The following CREBBP variants were observed in gnomAD, a reference collection of about 807,000 sequenced individuals.
CREBBP encodes the protein CREB binding lysine acetyltransferase, also known as CREB-binding protein.
A neutral mutation model predicts 265.0 loss-of-function variants in CREBBP; 19 were observed. The observed-to-expected ratio is 0.07, with a 90% CI of 0.05 to 0.11. CREBBP has a LOEUF of 0.11. Among genes scored for constraint, CREBBP ranks in the 10% least tolerant of loss-of-function variants. CREBBP has a pLI of 1.00. For missense variants in CREBBP, 2,525 were observed against 3,219.0 expected (o/e 0.78, Z 5.22); for synonymous variants, 1,457 against 1,223.7 (o/e 1.19, Z -3.98).
chr16:3,753,428 G>A (rs550466111), intron 19 of CREBBP, among the ~76,000 whole-genome samples: 1 of 152,208 alleles, frequency 6.6e-6, no homozygotes, highest in Non-Finnish European at 1.5e-5. Flanking sequence ...GAACATGACA[G>A]ATTCACTAGA....
At chr16:3,802,838 CCCCA>C (rs369352064) in intron 3 of CREBBP, among the ~76,000 whole-genome samples, 69 of 152,210 alleles carry the variant, frequency 4.5e-4, no homozygotes, top group African/African-American at 1.6e-3. Flanking sequence ...TCGGATACTC[CCCCA>C]CCCACCTGGA....
rs755952440 is a variant in CREBBP, at chr16:3,770,955, G to T, written c.2495C>A (p.Pro832His). ...GQVPGAALPN[P>H]LNMLGPQASQ... ...GGCCTGAGGCCCCAGCATGTTGAGAGGGTTAGGAAGAGCAGCACCAGGCAC... is the reference window on the plus strand; with the variant it reads ...GGCCTGAGGCCCCAGCATGTTGAGATGGTTAGGAAGAGCAGCACCAGGCAC... The change falls in exon 14 of 31, where the codon CCT (proline) becomes CAT (histidine). Residue 832 changes from proline (P) to histidine (H), a missense_variant. By Grantham distance (77) the Pro-to-His change is moderately conservative. Transcript: ENST00000262367. 9.2e-5 allele frequency: 149 copies of T among 1,613,524 alleles called. No homozygotes were observed. Among genetic ancestry groups the T allele is most frequent in the Non-Finnish European group, 1.2e-4 (140 of 1,180,024 alleles).
chr16:3,836,603 T>C (rs1405505043), intron 2 of CREBBP, among the ~76,000 whole-genome samples: 1 of 152,062 alleles, frequency 6.6e-6, no homozygotes, highest in Non-Finnish European at 1.5e-5. Context: ...TTGACAAATA[T>C]AAGATCTGTG....
intron 3 of CREBBP, among the ~76,000 whole-genome samples, chr16:3,802,652 GT>G (rs1408433266): frequency 1.3e-5 from 2 of 152,022 alleles, no homozygotes; most frequent in East Asian, 1.9e-4. Context: ...CCAAGAGTAG[GT>G]TATCATGTCT....
At chr16:3,778,875 A>G (rs540117932) in intron 8 of CREBBP, 58 bp from the exon 9 acceptor site, 6 of 1,515,260 alleles carry the variant, frequency 4.0e-6, no homozygotes, top group East Asian at 2.3e-5. Context: ...TTTTAAAGAC[A>G]TGGGGTTTCG....
chr16:3,871,942 G>T (rs1333962294), intron 1 of CREBBP, among the ~76,000 whole-genome samples: 1 of 152,172 alleles, frequency 6.6e-6, no homozygotes, highest in Non-Finnish European at 1.5e-5. Context: ...CTAGAAATGG[G>T]AAAGTAAAGT....
At chr16:3,834,787 AG>A (rs2054410465) in intron 2 of CREBBP, among the ~76,000 whole-genome samples, 1 of 152,198 alleles carries the variant, frequency 6.6e-6, no homozygotes, top group South Asian at 2.1e-4. Context: ...CTAGGAGAAC[AG>A]GGAATAGATG....
chr16:3,773,918 G>T lies in CREBBP; in HGVS notation c.2296C>A (p.Pro766Thr). 6.2e-7 allele frequency: 1 copy of T among 1,612,242 alleles called. No individual in the cohort carries two copies. Among genetic ancestry groups the T allele is most frequent in the Non-Finnish European group, 8.5e-7 (1 of 1,180,030 alleles). ...MGSVPGMAIS[P>T]SRMPQPPNMM... Reference sequence around the variant, plus strand: ...TTCGGAGGCTGAGGCATTCGGGAAGGAGAAATGGCCATCTACGAGACAACA... The same window carrying T: ...TTCGGAGGCTGAGGCATTCGGGAAGTAGAAATGGCCATCTACGAGACAACA... Residue 766 changes from proline (P) to threonine (T), a missense_variant, in exon 13 of 31, where the codon CCT (proline) becomes ACT (threonine). By Grantham distance (38) the Pro-to-Thr change is conservative. This residue lies in a region of CREBBP where 548 missense variants were observed against 533.0 expected (regional missense o/e 1.03). Coordinates refer to ENST00000262367, the MANE Select transcript of CREBBP (RefSeq NM_004380.3).
chr16:3,778,878 G>A (rs2053207260), intron 8 of CREBBP, 61 bp from the exon 9 acceptor site: 2 of 1,496,010 alleles, frequency 1.3e-6, no homozygotes, highest in South Asian at 1.1e-5. Context: ...TAAAGACATG[G>A]GGTTTCGTCC....
At chr16:3,858,317 G>A (rs993978576) in intron 1 of CREBBP, among the ~76,000 whole-genome samples, 44 of 152,084 alleles carry the variant, frequency 2.9e-4, no homozygotes, top group Non-Finnish European at 8.8e-5. Flanking sequence ...CCTTTCTTCA[G>A]GTTTTCTACA....
At chr16:3,820,003 T>C (rs978770423) in intron 2 of CREBBP, among the ~76,000 whole-genome samples, 12 of 152,176 alleles carry the variant, frequency 7.9e-5, no homozygotes, top group African/African-American at 2.9e-4. Context: ...CACAAGTTGG[T>C]ATACATGTAA....
At chr16:3,741,458 A>C (rs1156331020) in intron 23 of CREBBP, 1 of 152,260 alleles carries the variant, frequency 6.6e-6, no homozygotes, top group African/African-American at 2.4e-5. Flanking sequence ...TGCAATAAAC[A>C]AACCAGTGGT....
chr16:3,830,912 A>G (rs2141413070), intron 2 of CREBBP, among the ~76,000 whole-genome samples: 1 of 152,230 alleles, frequency 6.6e-6, no homozygotes, highest in South Asian at 2.1e-4. Context: ...CCCCTCAAGC[A>G]GCTGCAACTA....
chr16:3,854,920 TGA>T (rs1207745874), intron 1 of CREBBP, among the ~76,000 whole-genome samples: 9 of 152,230 alleles, frequency 5.9e-5, no homozygotes, highest in African/African-American at 2.2e-4. Flanking sequence ...AAACCGAGAC[TGA>T]GAGTAAGTTG....
chr16:3,787,804 T>C (rs973246516), intron 5 of CREBBP, among the ~76,000 whole-genome samples: 3 of 151,880 alleles, frequency 2.0e-5, no homozygotes, highest in Admixed American at 6.6e-5. Flanking sequence ...GGATACCGAG[T>C]AGCTGGGACT....
chr16:3,875,222 C>T (rs1406605860), intron 1 of CREBBP, among the ~76,000 whole-genome samples: 8 of 152,326 alleles, frequency 5.3e-5, no homozygotes, highest in African/African-American at 1.7e-4. Context: ...CTTCTGAAGG[C>T]CCTCTAAGGC....
chr16:3,809,509 C>G (rs1177624770), intron 3 of CREBBP, among the ~76,000 whole-genome samples: 1 of 152,150 alleles, frequency 6.6e-6, no homozygotes, highest in Non-Finnish European at 1.5e-5. Context: ...TACCATACAG[C>G]AGGGAGCCAG....
intron 5 of CREBBP, among the ~76,000 whole-genome samples, chr16:3,783,540 G>C (rs1185095952): frequency 6.6e-6 from 1 of 152,228 alleles, no homozygotes; most frequent in South Asian, 2.1e-4. Flanking sequence ...ATGCAGCAGA[G>C]CACCATGCTG....
intron 21 of CREBBP, among the ~76,000 whole-genome samples, chr16:3,747,814 G>T (rs938438979): frequency 2.0e-5 from 3 of 152,000 alleles, no homozygotes; most frequent in Admixed American, 6.6e-5. Flanking sequence ...TACAGGCTGG[G>T]TGCGGTGGCT....
Sources: allele counts gnomAD v4.1 joint callset (sites outside exome capture counted in the v4.1 genomes callset), GRCh38; gene constraint gnomAD v4.1.1; regional missense constraint gnomAD v4.1.1; transcripts MANE v1.5; gene names NCBI Gene and HGNC (gene_info 2026-07-23, HGNC 2026-07-21).